Variants in RCAN1 observed in about 807,000 individuals in gnomAD.
RCAN1 encodes calcipressin-1.
In RCAN1, 11 loss-of-function variants were observed where a neutral mutation model predicts 22.9. The observed-to-expected ratio is 0.48, with a 90% CI of 0.30 to 0.79. RCAN1 has a LOEUF of 0.79. RCAN1 is among the 30% of genes least tolerant of loss of function. RCAN1 has a pLI of 0.06. For synonymous variants in RCAN1, 136 were observed against 142.3 expected, an observed-to-expected ratio of 0.96 and a Z score of 0.32; for missense variants, 291 against 337.8, an observed-to-expected ratio of 0.86 and a Z score of 1.09.
At position 34,523,489 on chromosome 21, in the gene RCAN1, G is replaced by C. The variant is rs373091431; in HGVS notation, c.426+48C>G. On this transcript the variant is annotated intron_variant, in intron 2 of 3. Transcript: ENST00000313806. ...CAACGTATAAGCTGCTTTACAAAAGGGAGGGAGGGAGGAGGGAGAAGCATG... is the reference window on the plus strand; with the variant it reads ...CAACGTATAAGCTGCTTTACAAAAGCGAGGGAGGGAGGAGGGAGAAGCATG... 1.2e-5 allele frequency: 19 copies of C among 1,557,212 alleles called. No individual in the cohort carries two copies. The African/African-American group carries it at 2.2e-4, about 18-fold the overall frequency.
chr21:34,592,604 T>C (rs543420776), intron 1 of RCAN1, among the ~76,000 whole-genome samples: 2 of 152,318 alleles, frequency 1.3e-5, no homozygotes, highest in African/African-American at 4.8e-5. Context: ...GCCGTCTACA[T>C]GCCTGCCTTT....
At chr21:34,530,620 T>TG (rs776327150) in intron 1 of RCAN1, among the ~76,000 whole-genome samples, 2 of 87,480 alleles carry the variant, frequency 2.3e-5, no homozygotes, top group Non-Finnish European at 4.2e-5. Context: ...GAAATAGTTT[T>TG]TTTTTTTTTT....
intron 1 of RCAN1, among the ~76,000 whole-genome samples, chr21:34,589,958 T>C (rs984060448): frequency 6.6e-6 from 1 of 152,212 alleles, no homozygotes; most frequent in Non-Finnish European, 1.5e-5. Flanking sequence ...GCTATGTCTA[T>C]CCTATTGGTT....
intron 1 of RCAN1, among the ~76,000 whole-genome samples, chr21:34,552,372 A>T (rs1463624408): frequency 6.6e-6 from 1 of 152,166 alleles, no homozygotes; most frequent in Non-Finnish European, 1.5e-5. Context: ...TCTAAGGTAG[A>T]GGGGGAGGAA....
intron 1 of RCAN1, among the ~76,000 whole-genome samples, chr21:34,603,919 G>T (rs150382115): frequency 4.9e-4 from 74 of 152,324 alleles, no homozygotes; most frequent in African/African-American, 1.6e-3. Flanking sequence ...GGGAGAGGGT[G>T]CTACTAATGA....
At chr21:34,607,006 TA>T (rs1237094834) in intron 1 of RCAN1, among the ~76,000 whole-genome samples, 3 of 152,248 alleles carry the variant, frequency 2.0e-5, no homozygotes, top group South Asian at 2.1e-4. Context: ...CTGAATTAAA[TA>T]ATATTTTTGT....
intron 2 of RCAN1, 148 bp downstream of exon 2, chr21:34,523,389 G>T: frequency 1.4e-6 from 1 of 728,510 alleles, no homozygotes; most frequent in Non-Finnish European, 2.2e-6. Flanking sequence ...CAAGTGAGAC[G>T]CTGAACATTC....
At chr21:34,521,224 A>G in intron 3 of RCAN1, 1 of 1,421,982 alleles carries the variant, frequency 7.0e-7, no homozygotes, top group Non-Finnish European at 9.2e-7. Flanking sequence ...TGCTCAGTGG[A>G]CACAGGAATG....
intron 1 of RCAN1, among the ~76,000 whole-genome samples, chr21:34,570,934 A>C (rs538633016): frequency 6.6e-6 from 1 of 152,316 alleles, no homozygotes; most frequent in Non-Finnish European, 1.5e-5. Context: ...AAAAATTCAC[A>C]AAAATTAACC....
chr21:34,585,553 C>G (rs559323787), intron 1 of RCAN1, among the ~76,000 whole-genome samples: 6 of 152,134 alleles, frequency 3.9e-5, no homozygotes, highest in Non-Finnish European at 7.4e-5. Context: ...ACCATCCTGG[C>G]TAACACGGTG....
intron 1 of RCAN1, among the ~76,000 whole-genome samples, chr21:34,556,108 CAAA>C (rs10541076): frequency 0.26 from 30,890 of 118,606 alleles, 4,351 homozygotes; most frequent in African/African-American, 0.41. Context: ...AATTAAAGGC[CAAA>C]AAAAAAAAAA....
intron 1 of RCAN1, among the ~76,000 whole-genome samples, chr21:34,574,521 G>A (rs1457768532): frequency 6.6e-6 from 1 of 152,224 alleles, no homozygotes; most frequent in Admixed American, 6.5e-5. Context: ...AGGTAGATCA[G>A]CCTCAGGTCC....
intron 1 of RCAN1, among the ~76,000 whole-genome samples, chr21:34,528,045 G>A (rs73367183): frequency 0.012 from 1,815 of 152,194 alleles, 48 homozygotes; most frequent in African/African-American, 0.04. Flanking sequence ...ATGGCAGCCT[G>A]GGTCCTATGT....
intron 1 of RCAN1, among the ~76,000 whole-genome samples, chr21:34,587,750 T>C (rs1366562352): frequency 6.6e-6 from 1 of 152,218 alleles, no homozygotes; most frequent in Non-Finnish European, 1.5e-5. Flanking sequence ...ACATGTATAA[T>C]GGTTAATTTT....
At chr21:34,605,751 C>A (rs1321508023) in intron 1 of RCAN1, among the ~76,000 whole-genome samples, 2 of 151,770 alleles carry the variant, frequency 1.3e-5, no homozygotes, top group African/African-American at 4.8e-5. Flanking sequence ...GAAACCCTGT[C>A]TCTACTAAAA....
chr21:34,589,857 G>A (rs1330541515), intron 1 of RCAN1, among the ~76,000 whole-genome samples: 2 of 152,216 alleles, frequency 1.3e-5, no homozygotes, highest in African/African-American at 4.8e-5. Flanking sequence ...CCAGCCTGCA[G>A]ATGGCAGACT....
At chr21:34,550,825 G>A (rs900497330) in intron 1 of RCAN1, among the ~76,000 whole-genome samples, 1 of 152,180 alleles carries the variant, frequency 6.6e-6, no homozygotes, top group Non-Finnish European at 1.5e-5. Context: ...AGAAAATGAT[G>A]AGACAGGAAT....
At chr21:34,570,531 T>C (rs1217867227) in intron 1 of RCAN1, among the ~76,000 whole-genome samples, 1 of 152,242 alleles carries the variant, frequency 6.6e-6, no homozygotes, top group Non-Finnish European at 1.5e-5. Flanking sequence ...CTGAAACACG[T>C]GGAGCATGTT....
At chr21:34,589,261 C>T (rs1987896487) in intron 1 of RCAN1, among the ~76,000 whole-genome samples, 1 of 151,916 alleles carries the variant, frequency 6.6e-6, no homozygotes, top group Non-Finnish European at 1.5e-5. Flanking sequence ...TCAAGAAGAA[C>T]ATATTTAATT....
Sources: allele counts gnomAD v4.1 joint callset (sites outside exome capture counted in the v4.1 genomes callset), GRCh38; gene constraint gnomAD v4.1.1; transcripts MANE v1.5; gene names NCBI Gene and HGNC (gene_info 2026-07-23, HGNC 2026-07-21).